Variants in PDCD1 observed in about 807,000 individuals in gnomAD.
The protein encoded by PDCD1 is programmed cell death 1.
In PDCD1, 10 loss-of-function variants were observed where a neutral mutation model predicts 23.6. That is an observed-to-expected ratio of 0.42 (90% CI 0.26 to 0.72). PDCD1 has a LOEUF of 0.72. Ranked by LOEUF, PDCD1 falls within the 30% of genes least tolerant of loss-of-function variation. PDCD1 has a pLI of 0.24. For missense variants in PDCD1, 313 were observed against 397.8 expected, an observed-to-expected ratio of 0.79 and a Z score of 1.81; for synonymous variants, 168 against 169.3, an observed-to-expected ratio of 0.99 and a Z score of 0.06.
intron 1 of PDCD1, among the ~76,000 whole-genome samples, chr2:241,858,102 C>T (rs977312218): frequency 6.6e-6 from 1 of 152,156 alleles, no homozygotes; most frequent in African/African-American, 2.4e-5. Flanking sequence ...GAACAGGGCT[C>T]GGGGAGAGCC....
rs55970948 is a variant in PDCD1, at chr2:241,858,840, C to T, written c.-2G>A. 4.8e-4 allele frequency: 748 copies of T among 1,568,628 alleles called. 3 individuals carry two copies. The African/African-American group carries it at 9.2e-3, about 19-fold the overall frequency. On this transcript the variant is annotated 5_prime_UTR_variant, in exon 1 of 5. Coordinates refer to ENST00000334409, the MANE Select transcript of PDCD1 (RefSeq NM_005018.3). Reference sequence around the variant, plus strand: ...CCAGGGCGCCTGTGGGATCTGCATGCCTGGAGCAGCCCCACCAGAGTGCCG... The same window carrying T: ...CCAGGGCGCCTGTGGGATCTGCATGTCTGGAGCAGCCCCACCAGAGTGCCG...
Position 241,858,856 on chromosome 2 carries a change from C to T in PDCD1, c.-18G>A. The T allele has an allele frequency of 1.9e-6, 3 of 1,559,046 alleles. No individual in the cohort carries two copies. The highest frequency in any genetic ancestry group is 2.6e-6 in the Non-Finnish European group (3 of 1,150,704). On this transcript the variant is annotated 5_prime_UTR_variant, in exon 1 of 5. Transcript: ENST00000334409. ...ATCTGCATGCCTGGAGCAGCCCCAC[C>T]AGAGTGCCGCCTTCTCCACTGCTCA...
chr2:241,852,407 G>A, intron 2 of PDCD1, 54 bp from the exon 3 acceptor site: 1 of 1,296,062 alleles, frequency 7.7e-7, no homozygotes, highest in Non-Finnish European at 1.1e-6. Flanking sequence ...GAGGGTCAGG[G>A]TCAGGGGTGA....
In PDCD1 at chr2:241,850,774, C is replaced by A; in HGVS notation, c.*284G>T. On this transcript the variant is annotated 3_prime_UTR_variant, in exon 5 of 5. Transcript: ENST00000334409. ...CAGCAGAGATTCAGGGAGCTGGACGCAGGCAGCTCTGTGCTGGCAGGACCT... is the reference window on the plus strand; with the variant it reads ...CAGCAGAGATTCAGGGAGCTGGACGAAGGCAGCTCTGTGCTGGCAGGACCT... The A allele has an allele frequency of 1.5e-6, 1 of 646,144 alleles. No individual in the cohort carries two copies. The allele number at this position is 646,144 out of a possible 1,614,324, so 40.0% of individuals were successfully genotyped here. A position where few individuals can be genotyped will look rare whatever the true frequency, so the allele number is the denominator to read the frequency against.
At position 241,850,430 on chromosome 2, in the gene PDCD1, G is replaced by A; in HGVS notation, c.*628C>T. ...ACAAAGGGCCTGAGGTGCTGCCTGGGCATGTGTAAAGGTGGAGGGGTTTCC... is the reference window on the plus strand; with the variant it reads ...ACAAAGGGCCTGAGGTGCTGCCTGGACATGTGTAAAGGTGGAGGGGTTTCC... On this transcript the variant is annotated 3_prime_UTR_variant, in exon 5 of 5. Coordinates refer to ENST00000334409, the MANE Select transcript of PDCD1 (RefSeq NM_005018.3). 2 of 244,032 alleles carry A rather than the reference G, an allele frequency of 8.2e-6. No homozygotes were observed. Among genetic ancestry groups the A allele is most frequent in the Non-Finnish European group, 1.6e-5 (2 of 124,884 alleles). The allele number at this position is 244,032 out of a possible 1,614,324, so 15.1% of individuals were successfully genotyped here. A position where few individuals can be genotyped will look rare whatever the true frequency, so the allele number is the denominator to read the frequency against.
At chr2:241,852,439 G>T (rs1025050802) in intron 2 of PDCD1, 86 bp from the exon 3 acceptor site, 28 of 1,137,562 alleles carry the variant, frequency 2.5e-5, no homozygotes, top group Non-Finnish European at 3.4e-5. Flanking sequence ...AGGGGCTGGG[G>T]TGCTTCCAGA....
rs902137314 is a variant in PDCD1 at position 241,850,275 on chromosome 2, G to A, written c.*783C>T. Reference sequence around the variant, plus strand: ...GCCCTGCCCTCCTGACCTTGGGACCGTAGGATGTCCCTCTCCCGAGTGGTG... The same window carrying A: ...GCCCTGCCCTCCTGACCTTGGGACCATAGGATGTCCCTCTCCCGAGTGGTG... On this transcript the variant is annotated 3_prime_UTR_variant, in exon 5 of 5. Coordinates refer to ENST00000334409, the MANE Select transcript of PDCD1 (RefSeq NM_005018.3). The A allele has an allele frequency of 2.1e-5, 5 of 233,596 alleles. No homozygotes were observed. The highest frequency in any genetic ancestry group is 1.8e-4 in the East Asian group (3 of 16,584). The allele number at this position is 233,596 out of a possible 1,614,324, so 14.5% of individuals were successfully genotyped here. A position where few individuals can be genotyped will look rare whatever the true frequency, so the allele number is the denominator to read the frequency against.
intron 1 of PDCD1, among the ~76,000 whole-genome samples, chr2:241,855,819 G>A (rs1701013073): frequency 6.6e-6 from 1 of 152,212 alleles, no homozygotes; most frequent in African/African-American, 2.4e-5. Context: ...GGACCTGGCA[G>A]GGGTGAGGAG....
At chr2:241,852,392 G>C (rs1446253646) in intron 2 of PDCD1, 39 bp from the exon 3 acceptor site, 1 of 1,404,688 alleles carries the variant, frequency 7.1e-7, no homozygotes, top group Admixed American at 1.9e-5. Flanking sequence ...GACGGGGTCA[G>C]GGTGGAGGGT....
At position 241,852,684 on chromosome 2, in the gene PDCD1, C is replaced by T. The variant is rs1700928327; in HGVS notation, c.373G>A (p.Ala125Thr). ...TGCGCCTTGGGGGCCAGGGAGATGG[C>T]CCCACAGAGGTAGGTGCCGCTGTCA... is the stretch of plus-strand genomic sequence containing the variant. ...RNDSGTYLCG[A>T]ISLAPKAQIK... Residue 125 changes from alanine to threonine, a missense_variant, in exon 2 of 5, where the codon GCC becomes ACC. Ala to Thr is a moderately conservative substitution (Grantham distance 58). Coordinates refer to ENST00000334409, the MANE Select transcript of PDCD1 (RefSeq NM_005018.3). The T allele has an allele frequency of 1.9e-6, 3 of 1,613,496 alleles. No homozygotes were observed. Among genetic ancestry groups the T allele is most frequent in the South Asian group, 1.1e-5 (1 of 91,084 alleles).
At chr2:241,856,247 AG>A (rs1342565745) in intron 1 of PDCD1, among the ~76,000 whole-genome samples, 1 of 151,678 alleles carries the variant, frequency 6.6e-6, no homozygotes, top group African/African-American at 2.4e-5. Context: ...CACAGCCGGG[AG>A]AGGCTGAGCA....
At chr2:241,857,958 G>A (rs41514649) in intron 1 of PDCD1, among the ~76,000 whole-genome samples, 6 of 135,192 alleles carry the variant, frequency 4.4e-5, no homozygotes, top group Middle Eastern at 3.2e-3. Flanking sequence ...AGGGCCAGCC[G>A]GGCACAGAGG....
chr2:241,852,204 C>A lies in PDCD1; in HGVS notation c.586G>T (p.Ala196Ser). The A allele has an allele frequency of 1.2e-6, 2 of 1,608,008 alleles. No homozygotes were observed. Among genetic ancestry groups the A allele is most frequent in the East Asian group, 2.2e-5 (1 of 44,674 alleles). Residue 196 changes from alanine (A) to serine (S), a missense_variant, in exon 3 of 5, where the codon GCA (alanine) becomes TCA (serine). This residue lies in a region of PDCD1 where 158 missense variants were observed against 177.5 expected (regional missense o/e 0.89). Transcript: ENST00000334409. ...GGGGCTGGGATGACGTTACCTCGTG[C>A]GGCCCGGGAGCAGATGACGGCCAGG... ...WVLAVICSRA[A>S]RGTIGARRTG... is the part of the protein sequence containing the mutation.
chr2:241,855,507 G>A (rs1250588631), intron 1 of PDCD1, among the ~76,000 whole-genome samples: 2 of 152,190 alleles, frequency 1.3e-5, no homozygotes, highest in African/African-American at 2.4e-5. Flanking sequence ...GCTCCCTCTC[G>A]GATCCACGTA....
rs148456597 is a variant in PDCD1, at chr2:241,851,954, G to T, written c.622C>A (p.Pro208Thr). The change falls in exon 4 of 5, where the codon CCC becomes ACC. Residue 208 changes from proline (P) to threonine (T), a missense_variant. Around this residue, in one of 3 missense-constraint regions of PDCD1, gnomAD observed 158 missense variants for 177.5 expected, o/e 0.89. Coordinates refer to ENST00000334409, the MANE Select transcript of PDCD1 (RefSeq NM_005018.3). ...GTIGARRTGQPLKEDPSAVPV... is the reference protein window; with the variant it reads ...GTIGARRTGQTLKEDPSAVPV... Reference sequence around the variant, plus strand: ...AGGAAAAGAGTGAGACTCACCAGGGGCTGGCCGGTGCGCCTGGCTCCTATT... The same window carrying T: ...AGGAAAAGAGTGAGACTCACCAGGGTCTGGCCGGTGCGCCTGGCTCCTATT... 13 of 1,613,576 alleles carry T rather than the reference G, an allele frequency of 8.1e-6. No individual in the cohort carries two copies. Among genetic ancestry groups the T allele is most frequent in the Admixed American group, 5.0e-5 (3 of 59,998 alleles).
Position 241,851,146 on chromosome 2 carries a change from G to T in PDCD1, c.779C>A (p.Ser260Ter), listed in dbSNP as rs768440216. Residue 260 changes from serine (S) to a stop codon, truncating the protein, a stop_gained, in exon 5 of 5, where the codon TCA becomes TAA. Transcript: ENST00000334409. LOFTEE classifies it low-confidence loss of function (END_TRUNC). Reference sequence around the variant, plus strand: ...AGCTGAGCCCCTGCGGGCGGGGGATGAGGTGCCCATTCCGCTAGGAAAGAC... The same window carrying T: ...AGCTGAGCCCCTGCGGGCGGGGGATTAGGTGCCCATTCCGCTAGGAAAGAC... ...TIVFPSGMGT[S>*]SPARRGSADG... is the part of the protein sequence containing the mutation. 2 of 1,613,452 alleles carry T rather than the reference G, an allele frequency of 1.2e-6. No homozygotes were observed. The highest frequency in any genetic ancestry group is 2.2e-5 in the South Asian group (2 of 91,086).
chr2:241,852,370 G>A lies in PDCD1; in HGVS notation c.437-17C>T, dbSNP rs909838044. Reference sequence around the variant, plus strand: ...CCCTTCTCTCTGGAAGGGCACAAAGGTCAGGGGTTAGGACGGGGTCAGGGT... The same window carrying A: ...CCCTTCTCTCTGGAAGGGCACAAAGATCAGGGGTTAGGACGGGGTCAGGGT... On this transcript the variant is annotated splice_polypyrimidine_tract_variant and intron_variant, in intron 2 of 4. Coordinates refer to ENST00000334409, the MANE Select transcript of PDCD1 (RefSeq NM_005018.3). The A allele has an allele frequency of 6.5e-6, 10 of 1,529,848 alleles. No individual in the cohort carries two copies. The highest frequency in any genetic ancestry group is 9.0e-6 in the Non-Finnish European group (10 of 1,111,014). The allele number at this position is 1,529,848 out of a possible 1,614,324, so 94.8% of individuals were successfully genotyped here. A position where few individuals can be genotyped will look rare whatever the true frequency, so the allele number is the denominator to read the frequency against.
In PDCD1 at chr2:241,850,879, G is replaced by C; in HGVS notation, c.*179C>G. ...GGGCTCACTGTGGGCATTGAGACATGAGTCCTGTGGTGGGGCTGTGCCTGG... is the reference window on the plus strand; with the variant it reads ...GGGCTCACTGTGGGCATTGAGACATCAGTCCTGTGGTGGGGCTGTGCCTGG... On this transcript the variant is annotated 3_prime_UTR_variant, in exon 5 of 5. Transcript: ENST00000334409. The C allele has an allele frequency of 1.4e-6, 1 of 726,846 alleles. No homozygotes were observed. The highest frequency in any genetic ancestry group is 3.9e-4 in the Middle Eastern group (1 of 2,544). The allele number at this position is 726,846 out of a possible 1,614,324, so 45.0% of individuals were successfully genotyped here. A position where few individuals can be genotyped will look rare whatever the true frequency, so the allele number is the denominator to read the frequency against.
intron 1 of PDCD1, 118 bp from the exon 2 acceptor site, chr2:241,853,098 A>C: frequency 1.8e-5 from 22 of 1,252,360 alleles, no homozygotes; most frequent in Non-Finnish European, 2.3e-5. Context: ...CTGGAATGTC[A>C]TTGAGAAGTC....
Sources: gnomAD v4.1 joint callset for allele counts (sites outside exome capture counted in the v4.1 genomes callset) on GRCh38, gnomAD v4.1.1 for gene constraint, gnomAD v4.1.1 regional missense constraint, MANE v1.5 for transcripts, NCBI Gene and HGNC (gene_info 2026-07-23, HGNC 2026-07-21) for gene names.